The following PRR16 variants were observed in gnomAD, a reference collection of about 807,000 sequenced individuals.
PRR16 encodes the protein proline rich 16.
Under a neutral mutation model 18.2 loss-of-function variants are expected in PRR16, and 6 were observed. The observed-to-expected ratio is 0.33, with a 90% CI of 0.18 to 0.65. The LOEUF (loss-of-function observed/expected upper bound fraction) is 0.65, where lower values mean the gene tolerates loss of function less well. Among genes scored for constraint, PRR16 ranks in the 30% least tolerant of loss-of-function variants. PRR16 has a pLI of 0.74. For missense variants in PRR16, 412 were observed against 376.6 expected, an observed-to-expected ratio of 1.09 and a Z score of -0.78; for synonymous variants, 151 against 147.8, an observed-to-expected ratio of 1.02 and a Z score of -0.16.
chr5:120,778,753 CAA>C, the PRR16 span, among the ~76,000 whole-genome samples: 1 of 152,098 alleles, frequency 6.6e-6, no homozygotes, highest in Non-Finnish European at 1.5e-5. Flanking sequence ...CCACAAAATC[CAA>C]CTTGCTGATT....
chr5:120,768,311 T>G, the PRR16 span, among the ~76,000 whole-genome samples: 1 of 152,010 alleles, frequency 6.6e-6, no homozygotes, highest in Non-Finnish European at 1.5e-5. Context: ...CAGTGCTAGC[T>G]ATTGTAATTT....
chr5:120,747,607 C>A, the PRR16 span, among the ~76,000 whole-genome samples: 6 of 152,062 alleles, frequency 3.9e-5, no homozygotes, highest in Admixed American at 3.9e-4. Flanking sequence ...CATTCTGTAC[C>A]CACAATGAAT....
chr5:120,565,011 A>G (rs76074244), intron 1 of PRR16, among the ~76,000 whole-genome samples: 38 of 149,316 alleles, frequency 2.5e-4, no homozygotes, highest in East Asian at 7.8e-4. Flanking sequence ...AAAAAAAAAT[A>G]GAGGTACTGT....
At chr5:120,669,697 G>C (rs988677063) in intron 1 of PRR16, among the ~76,000 whole-genome samples, 1 of 151,844 alleles carries the variant, frequency 6.6e-6, no homozygotes, top group African/African-American at 2.4e-5. Context: ...TAATTTAAAC[G>C]TCACAATTGT....
intron 1 of PRR16, among the ~76,000 whole-genome samples, chr5:120,610,368 T>G (rs1768639341): frequency 1.3e-5 from 2 of 150,508 alleles, no homozygotes; most frequent in Non-Finnish European, 1.5e-5. Flanking sequence ...ATAAAGTGTA[T>G]TTATTAAATA....
chr5:120,771,778 T>G, the PRR16 span, among the ~76,000 whole-genome samples: 2 of 152,006 alleles, frequency 1.3e-5, no homozygotes, highest in Non-Finnish European at 2.9e-5. Flanking sequence ...TCCAAGATAT[T>G]TGTTAGTATA....
chr5:120,632,922 A>G (rs1251151026), intron 1 of PRR16, among the ~76,000 whole-genome samples: 1 of 152,208 alleles, frequency 6.6e-6, no homozygotes, highest in African/African-American at 2.4e-5. Context: ...ACCTAGGCAT[A>G]TAGTCATCAG....
chr5:120,787,808 C>T, the PRR16 span, among the ~76,000 whole-genome samples: 5 of 152,038 alleles, frequency 3.3e-5, no homozygotes, highest in African/African-American at 7.2e-5. Context: ...CACTTCTAGG[C>T]ACGCTCCTCA....
the PRR16 span, among the ~76,000 whole-genome samples, chr5:120,792,257 C>A: frequency 6.6e-6 from 1 of 152,178 alleles, no homozygotes; most frequent in Non-Finnish European, 1.5e-5. Flanking sequence ...AATGATCAGG[C>A]CTGCTCTTCA....
At chr5:120,767,923 CACAATAAAAGTGTTTTT>C in the PRR16 span, among the ~76,000 whole-genome samples, 1 of 151,724 alleles carries the variant, frequency 6.6e-6, no homozygotes, top group Admixed American at 6.6e-5. Context: ...TCAATTATAT[CACAATAAAAGTGTTTTT>C]ATAAAAGTCA....
rs1357598416 is a variant in PRR16 at position 120,519,534 on chromosome 5, T to G, written c.159+54889T>G. On this transcript the variant is annotated intron_variant, in intron 1 of 1. Coordinates refer to ENST00000407149, the MANE Select transcript of PRR16 (RefSeq NM_001300783.2). ...AGCATTCTACTTCAAATATGAAGCT[T>G]TTGAAGAGTAATCCTGTATTACTTC... is the stretch of plus-strand genomic sequence containing the variant. Among the ~76,000 whole-genome samples, 3 of 152,160 alleles carry G rather than the reference T, an allele frequency of 2.0e-5. 1 individual carries two copies. The highest frequency in any genetic ancestry group is 7.2e-5 in the African/African-American group (3 of 41,448).
the PRR16 span, among the ~76,000 whole-genome samples, chr5:120,711,403 T>C: frequency 6.6e-6 from 1 of 152,158 alleles, no homozygotes; most frequent in Non-Finnish European, 1.5e-5. Flanking sequence ...TAACTATTGG[T>C]TGGATGAAGA....
chr5:120,614,312 T>C (rs145755967), intron 1 of PRR16, among the ~76,000 whole-genome samples: 1 of 152,316 alleles, frequency 6.6e-6, no homozygotes, highest in East Asian at 1.9e-4. Flanking sequence ...AGCAAATGCT[T>C]ACGGTGGAGT....
At chr5:120,496,996 C>T (rs990401904) in intron 1 of PRR16, among the ~76,000 whole-genome samples, 1 of 151,956 alleles carries the variant, frequency 6.6e-6, no homozygotes, top group Admixed American at 6.6e-5. Flanking sequence ...TAGTTTCCAC[C>T]AGTTTAGAGA....
chr5:120,516,714 A>G (rs1262261121), intron 1 of PRR16, among the ~76,000 whole-genome samples: 2 of 152,162 alleles, frequency 1.3e-5, no homozygotes, highest in African/African-American at 4.8e-5. Flanking sequence ...ATACACTGAA[A>G]AACTACTTGG....
chr5:120,716,716 A>T, the PRR16 span, among the ~76,000 whole-genome samples: 1 of 152,028 alleles, frequency 6.6e-6, no homozygotes, highest in South Asian at 2.1e-4. Flanking sequence ...CTCTTCTAAA[A>T]ATACAAAAAT....
chr5:120,688,430 G>C (rs1210061324), downstream of PRR16, among the ~76,000 whole-genome samples: 3 of 152,028 alleles, frequency 2.0e-5, no homozygotes, highest in Admixed American at 2.0e-4. Flanking sequence ...TCTAAAATTT[G>C]TTATCTGTAT....
chr5:120,547,566 T>C (rs998278323), intron 1 of PRR16, among the ~76,000 whole-genome samples: 1 of 151,972 alleles, frequency 6.6e-6, no homozygotes, highest in Non-Finnish European at 1.5e-5. Flanking sequence ...TTCATTTTTT[T>C]TTTTTACAGT....
chr5:120,582,981 T>G (rs531714612), intron 1 of PRR16, among the ~76,000 whole-genome samples: 1 of 152,354 alleles, frequency 6.6e-6, no homozygotes, highest in East Asian at 1.9e-4. Context: ...AGGTTGAAAT[T>G]ATCTATACTG....
Sources: gnomAD v4.1 joint callset for allele counts (sites outside exome capture counted in the v4.1 genomes callset) on GRCh38, gnomAD v4.1.1 for gene constraint, MANE v1.5 for transcripts, NCBI Gene and HGNC (gene_info 2026-07-23, HGNC 2026-07-21) for gene names.